Variants in UBL3 observed in about 807,000 individuals in gnomAD.
UBL3 encodes ubiquitin-like protein 3.
UBL3 carries 6 observed loss-of-function variants against 18.4 expected under a neutral mutation model. The ratio of observed to expected loss-of-function variants is 0.33; its 90% confidence interval spans 0.18 to 0.64. The LOEUF (loss-of-function observed/expected upper bound fraction) is 0.64, where lower values mean the gene tolerates loss of function less well. UBL3 is among the 30% of genes least tolerant of loss of function. The pLI is 0.76. For missense variants in UBL3, 109 were observed against 142.9 expected, an observed-to-expected ratio of 0.76 and a Z score of 1.21; for synonymous variants, 49 against 46.6, an observed-to-expected ratio of 1.05 and a Z score of -0.21.
intron 1 of UBL3, among the ~76,000 whole-genome samples, chr13:29,829,342 T>A (rs899069795): frequency 1.3e-5 from 2 of 152,178 alleles, no homozygotes; most frequent in African/African-American, 4.8e-5. Context: ...TCCAGCCAGT[T>A]CAAGCTTCTA....
chr13:29,799,954 C>G (rs1877717222), intron 1 of UBL3, among the ~76,000 whole-genome samples: 1 of 148,768 alleles, frequency 6.7e-6, no homozygotes, highest in Non-Finnish European at 1.5e-5. Context: ...AAAAAAAAAG[C>G]CAAAAAAGTC....
At chr13:29,841,798 C>T (rs935338821) in intron 1 of UBL3, among the ~76,000 whole-genome samples, 2 of 152,174 alleles carry the variant, frequency 1.3e-5, no homozygotes, top group African/African-American at 4.8e-5. Context: ...AAACAAGTTC[C>T]TTACCCTCTC....
At chr13:29,781,828 TAAAAAA>T (rs11357100) in intron 1 of UBL3, among the ~76,000 whole-genome samples, 13 of 82,724 alleles carry the variant, frequency 1.6e-4, no homozygotes, top group Admixed American at 4.3e-4. Flanking sequence ...TACAAAAAAT[TAAAAAA>T]AAAAAAAAAA....
intron 1 of UBL3, among the ~76,000 whole-genome samples, chr13:29,833,677 A>T (rs1878843394): frequency 6.6e-6 from 1 of 152,086 alleles, no homozygotes; most frequent in African/African-American, 2.4e-5. Flanking sequence ...ACACAGACAT[A>T]CTCAGCACTC....
intron 1 of UBL3, among the ~76,000 whole-genome samples, chr13:29,783,115 G>T (rs78644763): frequency 1.5e-3 from 224 of 152,316 alleles, no homozygotes; most frequent in African/African-American, 5.1e-3. Context: ...AACAGGAATG[G>T]ATAATAATTG....
At chr13:29,828,040 A>G (rs937018198) in intron 1 of UBL3, among the ~76,000 whole-genome samples, 2 of 152,192 alleles carry the variant, frequency 1.3e-5, no homozygotes, top group Non-Finnish European at 2.9e-5. Context: ...AGTTTCTGCC[A>G]AGAGATCAGC....
chr13:29,768,693 T>C (rs147494071), intron 3 of UBL3, among the ~76,000 whole-genome samples: 4 of 152,168 alleles, frequency 2.6e-5, no homozygotes, highest in Non-Finnish European at 5.9e-5. Flanking sequence ...GGCCAGCCAT[T>C]ATTTGGTCTA....
rs1429157841 is a variant in UBL3 at position 29,772,278 on chromosome 13, T to A, written c.137-80A>T. On this transcript the variant is annotated intron_variant, in intron 2 of 4. Transcript: ENST00000380680. Reference sequence around the variant, plus strand: ...TACTATATTGTTTTAAAAATTCAGATCCAAATCAGTTAGAGTACAAAGAAG... The same window carrying A: ...TACTATATTGTTTTAAAAATTCAGAACCAAATCAGTTAGAGTACAAAGAAG... 6 of 1,210,000 alleles carry A rather than the reference T, an allele frequency of 5.0e-6. No individual in the cohort carries two copies. The East Asian group carries it at 1.2e-4, about 25-fold the overall frequency. 75.0% of individuals were successfully genotyped at this position (1,210,000 alleles called of 1,614,324 possible).
chr13:29,798,387 T>C (rs1877670788), intron 1 of UBL3, among the ~76,000 whole-genome samples: 1 of 151,974 alleles, frequency 6.6e-6, no homozygotes, highest in African/African-American at 2.4e-5. Context: ...CTCCCTAAAG[T>C]ATGTCAATAA....
intron 1 of UBL3, among the ~76,000 whole-genome samples, chr13:29,839,561 G>A (rs778255663): frequency 4.9e-4 from 74 of 152,174 alleles, no homozygotes; most frequent in Non-Finnish European, 9.7e-4. Flanking sequence ...GGCTAAGGAG[G>A]AAGGAGCAGT....
intron 1 of UBL3, among the ~76,000 whole-genome samples, chr13:29,830,202 T>G (rs2139357939): frequency 6.6e-6 from 1 of 152,344 alleles, no homozygotes; most frequent in Non-Finnish European, 1.5e-5. Context: ...AGACTTCAGC[T>G]GTCCATCTAG....
At chr13:29,835,124 AAATATATATATATATAT>A (rs1878906882) in intron 1 of UBL3, among the ~76,000 whole-genome samples, 9 of 36,726 alleles carry the variant, frequency 2.5e-4, no homozygotes, top group African/African-American at 2.1e-3. Context: ...ATATATATAT[AAATATATATATATATAT>A]ATATATATAT....
intron 1 of UBL3, among the ~76,000 whole-genome samples, chr13:29,811,894 C>G (rs1460307775): frequency 1.3e-5 from 2 of 151,984 alleles, no homozygotes; most frequent in Non-Finnish European, 2.9e-5. Context: ...AACTGATACA[C>G]TCTCTATCTT....
In UBL3 at chr13:29,815,031, T is replaced by C. The variant is rs74044755; in HGVS notation, c.27+34481A>G. Among the ~76,000 whole-genome samples the C allele has an allele frequency of 2.3e-3, 351 of 152,322 alleles. 3 individuals are homozygous for C. The highest frequency in any genetic ancestry group is 8.3e-3 in the African/African-American group (346 of 41,566). ...GTTTATTCCTCTTCTATTAAATATA[T>C]GTTGGGCAAATATTTAAGATTATTA... On this transcript the variant is annotated intron_variant, in intron 1 of 4. Transcript: ENST00000380680.
At chr13:29,832,522 C>T (rs1476039833) in intron 1 of UBL3, among the ~76,000 whole-genome samples, 2 of 151,920 alleles carry the variant, frequency 1.3e-5, no homozygotes, top group African/African-American at 4.8e-5. Context: ...TTAGTAGAGA[C>T]GGGGCCTAAT....
chr13:29,786,067 A>C (rs1877306530), intron 1 of UBL3, among the ~76,000 whole-genome samples: 1 of 152,138 alleles, frequency 6.6e-6, no homozygotes, highest in African/African-American at 2.4e-5. Context: ...TGAAAAAGGT[A>C]TTACTCTCCC....
intron 1 of UBL3, among the ~76,000 whole-genome samples, chr13:29,798,317 C>A (rs896062053): frequency 6.6e-5 from 10 of 152,100 alleles, no homozygotes; most frequent in African/African-American, 2.4e-4. Flanking sequence ...TGAGCCACCG[C>A]GCCCGACCCT....
intron 3 of UBL3, among the ~76,000 whole-genome samples, chr13:29,771,622 ATAGTC>A (rs1316986726): frequency 6.6e-6 from 1 of 152,058 alleles, no homozygotes; most frequent in African/African-American, 2.4e-5. Flanking sequence ...TATAACTTAA[ATAGTC>A]TAGTTCCAAA....
intron 1 of UBL3, among the ~76,000 whole-genome samples, chr13:29,842,806 A>G (rs867530399): frequency 3.9e-5 from 6 of 152,220 alleles, no homozygotes; most frequent in African/African-American, 1.4e-4. Context: ...AACATAACTA[A>G]CAGCCAGAAA....
Sources: allele counts gnomAD v4.1 joint callset (sites outside exome capture counted in the v4.1 genomes callset), GRCh38; gene constraint gnomAD v4.1.1; transcripts MANE v1.5; gene names NCBI Gene and HGNC (gene_info 2026-07-23, HGNC 2026-07-21).